PTPRT: variants seen among roughly 807,000 people sequenced by gnomAD.
PTPRT encodes the protein receptor-type tyrosine-protein phosphatase T.
Under a neutral mutation model 176.8 loss-of-function variants are expected in PTPRT, and 56 were observed. The observed-to-expected ratio is 0.32, with a 90% CI of 0.26 to 0.40. The LOEUF is 0.40. Ranked by LOEUF, PTPRT falls within the 10% of genes least tolerant of loss-of-function variation. The pLI, the probability that PTPRT is intolerant of heterozygous loss-of-function variation, is 1.00. For synonymous variants in PTPRT, 783 were observed against 739.0 expected (o/e 1.06, Z -0.96); for missense variants, 1,540 against 1,908.2 (o/e 0.81, Z 3.60).
intron 1 of PTPRT, among the ~76,000 whole-genome samples, chr20:43,013,622 C>A (rs766945573): frequency 4.6e-5 from 7 of 152,124 alleles, no homozygotes; most frequent in African/African-American, 1.2e-4. Flanking sequence ...TACACAGAGA[C>A]AACAGCAATT....
chr20:42,711,980 C>A (rs1400459978), intron 6 of PTPRT, among the ~76,000 whole-genome samples: 1 of 151,950 alleles, frequency 6.6e-6, no homozygotes, highest in African/African-American at 2.4e-5. Context: ...TTCCCTCTGC[C>A]CCTTGATGCC....
chr20:42,984,637 T>C (rs1983469492), intron 1 of PTPRT, among the ~76,000 whole-genome samples: 1 of 152,232 alleles, frequency 6.6e-6, no homozygotes, highest in Non-Finnish European at 1.5e-5. Context: ...ATGCAAGTTT[T>C]ATTATTTAGT....
intron 6 of PTPRT, among the ~76,000 whole-genome samples, chr20:42,679,087 G>A (rs1401174743): frequency 6.6e-6 from 1 of 152,194 alleles, no homozygotes; most frequent in Non-Finnish European, 1.5e-5. Context: ...TCTACTCTGT[G>A]CTGCCACCTC....
chr20:42,960,175 T>G (rs1011374323), intron 1 of PTPRT, among the ~76,000 whole-genome samples: 1 of 152,210 alleles, frequency 6.6e-6, no homozygotes, highest in African/African-American at 2.4e-5. Flanking sequence ...ATATTTTCAC[T>G]GATTTATTAG....
chr20:42,774,664 T>A (rs927426883), intron 4 of PTPRT, among the ~76,000 whole-genome samples: 6 of 152,196 alleles, frequency 3.9e-5, no homozygotes, highest in Non-Finnish European at 7.3e-5. Flanking sequence ...TCTCACCCGA[T>A]CCAGCCCCAT....
intron 9 of PTPRT, among the ~76,000 whole-genome samples, chr20:42,446,427 A>G (rs2070733414): frequency 6.6e-6 from 1 of 152,188 alleles, no homozygotes; most frequent in Non-Finnish European, 1.5e-5. Context: ...TTTAAATGCT[A>G]CTGGCCTGTG....
intron 7 of PTPRT, among the ~76,000 whole-genome samples, chr20:42,542,640 C>T (rs2072604375): frequency 6.6e-6 from 1 of 152,150 alleles, no homozygotes; most frequent in Admixed American, 6.5e-5. Context: ...CTGCAATTAC[C>T]TTAGGACAAA....
chr20:43,122,327 C>T (rs746768045), intron 1 of PTPRT, among the ~76,000 whole-genome samples: 2 of 152,178 alleles, frequency 1.3e-5, no homozygotes, highest in African/African-American at 2.4e-5. Context: ...CCCTCTTGGT[C>T]CTCTGTCTGG....
At chr20:42,645,764 A>G (rs6093709) in intron 7 of PTPRT, among the ~76,000 whole-genome samples, 11,767 of 139,552 alleles carry the variant, frequency 0.084, 1,695 homozygotes, top group African/African-American at 0.29. Flanking sequence ...ATGTGTATTT[A>G]TGTGTGTGTG....
intron 9 of PTPRT, among the ~76,000 whole-genome samples, chr20:42,396,452 T>C (rs919121719): frequency 1.3e-5 from 2 of 152,142 alleles, no homozygotes; most frequent in Non-Finnish European, 2.9e-5. Flanking sequence ...GACAACATGA[T>C]CCATTTAAAC....
intron 1 of PTPRT, among the ~76,000 whole-genome samples, chr20:43,047,393 C>T (rs1986879223): frequency 2.0e-5 from 3 of 152,164 alleles, no homozygotes; most frequent in Admixed American, 2.0e-4. Flanking sequence ...ATCCTGACTT[C>T]AGCTATTAGC....
intron 15 of PTPRT, among the ~76,000 whole-genome samples, chr20:42,216,448 C>A (rs2055772428): frequency 6.6e-6 from 1 of 152,222 alleles, no homozygotes; most frequent in Admixed American, 6.5e-5. Flanking sequence ...CCATTCAAAT[C>A]ATCACTTCTT....
At chr20:42,332,786 T>A (rs2145440798) in intron 11 of PTPRT, among the ~76,000 whole-genome samples, 1 of 152,338 alleles carries the variant, frequency 6.6e-6, no homozygotes, top group East Asian at 1.9e-4. Context: ...GTAAAGATCT[T>A]CAATAATTAA....
intron 9 of PTPRT, among the ~76,000 whole-genome samples, chr20:42,408,561 C>T (rs2058982786): frequency 6.6e-6 from 1 of 151,238 alleles, no homozygotes; most frequent in African/African-American, 2.4e-5. Context: ...AAACAACTAA[C>T]CTTTAGATAG....
At chr20:42,576,419 T>C (rs6130171) in intron 7 of PTPRT, among the ~76,000 whole-genome samples, 38,146 of 152,042 alleles carry the variant, frequency 0.25, 6,599 homozygotes, top group African/African-American at 0.46. Context: ...TGGTGTTCCG[T>C]AAACAGCTGC....
intron 8 of PTPRT, among the ~76,000 whole-genome samples, chr20:42,453,827 C>T (rs914174658): frequency 8.0e-5 from 11 of 137,226 alleles, no homozygotes; most frequent in African/African-American, 2.9e-4. Flanking sequence ...CCCATGACCA[C>T]GCCCGGCTAA....
Position 43,068,320 on chromosome 20 carries a change from C to T in PTPRT, c.88+121326G>A, listed in dbSNP as rs549760334. ...GAGATCGAGACTATCCTGGCTAACA[C>T]GGTGAAACCCCTTATCTACTAAAAA... On this transcript the variant is annotated intron_variant, in intron 1 of 30. Transcript: ENST00000373187. Among the ~76,000 whole-genome samples, 16 of 150,448 alleles carry T rather than the reference C, an allele frequency of 1.1e-4. No individual in the cohort carries two copies. The South Asian group carries it at 1.9e-3, about 18-fold the overall frequency.
chr20:42,719,130 A>C (rs1018925537), intron 6 of PTPRT, among the ~76,000 whole-genome samples: 2 of 152,210 alleles, frequency 1.3e-5, no homozygotes, highest in Admixed American at 1.3e-4. Flanking sequence ...CGAGAAGAAC[A>C]TGTTGAGTTG....
At chr20:42,299,989 G>A (rs111862608) in intron 12 of PTPRT, among the ~76,000 whole-genome samples, 2 of 151,472 alleles carry the variant, frequency 1.3e-5, no homozygotes, top group South Asian at 2.1e-4. Context: ...TGGGTGTGGC[G>A]GCTCATGCCT....
Sources: gnomAD v4.1 joint callset for allele counts (sites outside exome capture counted in the v4.1 genomes callset) on GRCh38, gnomAD v4.1.1 for gene constraint, MANE v1.5 for transcripts, NCBI Gene and HGNC (gene_info 2026-07-23, HGNC 2026-07-21) for gene names.